DOCK11: variants seen among roughly 807,000 people sequenced by gnomAD.
DOCK11 encodes dedicator of cytokinesis protein 11.
Under a neutral mutation model 169.1 loss-of-function variants are expected in DOCK11, and 70 were observed. The observed-to-expected ratio is 0.41, with a 90% CI of 0.34 to 0.51. The LOEUF (loss-of-function observed/expected upper bound fraction) is 0.51. Ranked by LOEUF, DOCK11 falls within the 20% of genes least tolerant of loss-of-function variation. DOCK11 has a pLI of 0.10. For synonymous variants in DOCK11, 529 were observed against 541.3 expected (o/e 0.98, Z 0.32); for missense variants, 1,166 against 1,538.8 (o/e 0.76, Z 4.05).
At chrX:118,545,244 T>G in intron 4 of DOCK11, 79 bp from the exon 5 acceptor site, 5 of 670,863 alleles carry the variant, frequency 7.5e-6, no homozygotes, top group Non-Finnish European at 1.1e-5. Flanking sequence ...GTTGTTGTCA[T>G]TATTGTTGTG....
At chrX:118,620,679 A>C (rs1320451107) in intron 31 of DOCK11, among the ~76,000 whole-genome samples, 1 of 112,436 alleles carries the variant, frequency 8.9e-6, no homozygotes, top group Non-Finnish European at 1.9e-5. Flanking sequence ...AATATATCCA[A>C]ATAAAAAGAT....
At chrX:118,543,137 G>A in intron 3 of DOCK11, 122 bp downstream of exon 3, 3 of 535,694 alleles carry the variant, frequency 5.6e-6, no homozygotes, top group East Asian at 7.5e-5. Flanking sequence ...ATTTAAAGTA[G>A]TCTTCCTTTA....
chrX:118,569,091 C>CTTTTTTTTTTTTTTTTTTTTTTTTT (rs1186200391), intron 10 of DOCK11, among the ~76,000 whole-genome samples: 2 of 45,007 alleles, frequency 4.4e-5, no homozygotes, highest in Non-Finnish European at 8.2e-5. Flanking sequence ...TCTTTCTTTC[C>CTTTTTTTTTTTTTTTTTTTTTTTTT]TTTTTTTTTT....
At chrX:118,609,577 C>A (rs1056529880) in intron 27 of DOCK11, among the ~76,000 whole-genome samples, 5 of 111,841 alleles carry the variant, frequency 4.5e-5, no homozygotes, top group Non-Finnish European at 3.8e-5. Flanking sequence ...ATGTTCTCAC[C>A]GTCTAATCTG....
chrX:118,525,954 C>T (rs1042991742), intron 1 of DOCK11, among the ~76,000 whole-genome samples: 14 of 112,259 alleles, frequency 1.2e-4, no homozygotes, highest in African/African-American at 4.2e-4. Context: ...TACCACTTCC[C>T]GTATAGGTGG....
At position 118,643,601 on chromosome X, in the gene DOCK11, A is replaced by G; in HGVS notation, c.4398+7A>G. On this transcript the variant is annotated splice_region_variant and intron_variant, in intron 40 of 52. Coordinates refer to ENST00000276202, the MANE Select transcript of DOCK11 (RefSeq NM_144658.4). Reference sequence around the variant, plus strand: ...GAGAGCTTTCATCAGTAAGGTAAGGACAGAAGCTTGGGAGCAGCCGGTGGG... The same window carrying G: ...GAGAGCTTTCATCAGTAAGGTAAGGGCAGAAGCTTGGGAGCAGCCGGTGGG... The G allele has an allele frequency of 1.7e-6, 2 of 1,208,123 alleles. No individual in the cohort carries two copies. The highest frequency in any genetic ancestry group is 1.1e-6 in the Non-Finnish European group (1 of 894,311).
chrX:118,505,934 T>C (rs893836984), intron 1 of DOCK11, among the ~76,000 whole-genome samples: 2 of 112,283 alleles, frequency 1.8e-5, no homozygotes, highest in African/African-American at 6.5e-5. Context: ...AAACAGAGCT[T>C]GGACATGCCT....
At chrX:118,568,496 A>G (rs1231604969) in intron 10 of DOCK11, among the ~76,000 whole-genome samples, 1 of 101,262 alleles carries the variant, frequency 9.9e-6, no homozygotes, top group Admixed American at 1.1e-4. Flanking sequence ...ACCGTTAAAG[A>G]TGGTTACAGT....
chrX:118,541,319 G>A (rs970217104), intron 1 of DOCK11, among the ~76,000 whole-genome samples: 4 of 111,916 alleles, frequency 3.6e-5, no homozygotes, highest in Admixed American at 9.5e-5. Context: ...ACAGCTGTGG[G>A]TGCATGTACA....
intron 1 of DOCK11, among the ~76,000 whole-genome samples, chrX:118,532,127 A>G (rs1354577316): frequency 9.2e-6 from 1 of 108,984 alleles, no homozygotes; most frequent in African/African-American, 3.3e-5. Context: ...AAAAAAAAAA[A>G]GCTGAACACC....
intron 36 of DOCK11, among the ~76,000 whole-genome samples, chrX:118,636,928 T>C (rs1164032641): frequency 8.9e-6 from 1 of 112,249 alleles, no homozygotes; most frequent in Non-Finnish European, 1.9e-5. Context: ...GAAGTTGTCC[T>C]ATATTTCATC....
chrX:118,568,062 A>G lies in DOCK11; in HGVS notation c.952-17A>G, dbSNP rs1464084371. The G allele has an allele frequency of 1.1e-5, 11 of 1,008,385 alleles. No individual in the cohort carries two copies. The highest frequency in any genetic ancestry group is 1.4e-5 in the Non-Finnish European group (10 of 737,574). 83.1% of individuals were successfully genotyped at this position (1,008,385 alleles called of 1,213,427 possible). A position where few individuals can be genotyped will look rare whatever the true frequency, so the allele number is the denominator to read the frequency against. On this transcript the variant is annotated splice_polypyrimidine_tract_variant and intron_variant, in intron 9 of 52. Coordinates refer to ENST00000276202, the MANE Select transcript of DOCK11 (RefSeq NM_144658.4). ...TTGAAGGAAATGAAGTAACATACTTATTTTTTAAAATTTTAGTATGGAAGA... is the reference window on the plus strand; with the variant it reads ...TTGAAGGAAATGAAGTAACATACTTGTTTTTTAAAATTTTAGTATGGAAGA...
intron 14 of DOCK11, among the ~76,000 whole-genome samples, chrX:118,581,720 C>T (rs1448287773): frequency 1.1e-5 from 1 of 94,230 alleles, no homozygotes; most frequent in African/African-American, 4.0e-5. Context: ...AGGAGAATGG[C>T]GTGAACCTGG....
At chrX:118,615,147 C>T (rs1014109515) in intron 29 of DOCK11, among the ~76,000 whole-genome samples, 5 of 112,211 alleles carry the variant, frequency 4.5e-5, no homozygotes, top group Non-Finnish European at 9.4e-5. Context: ...AGAGCACAGC[C>T]TCCTTCTAGC....
chrX:118,674,502 TTC>T lies in DOCK11; in HGVS notation c.5200-1432_5200-1431del, dbSNP rs750696056. Among the ~76,000 whole-genome samples the T allele has an allele frequency of 3.9e-3, 434 of 112,494 alleles. 4 individuals are homozygous for T. Among genetic ancestry groups the T allele is most frequent in the African/African-American group, 0.013 (414 of 31,011 alleles). On this transcript the variant is annotated intron_variant, in intron 46 of 52. Coordinates refer to ENST00000276202, the MANE Select transcript of DOCK11 (RefSeq NM_144658.4). ...AGTTGTAGCATATATCAGAACTTCA[TTC>T]TTTTTTATGGCTGAGTAAGATTCCA...
In DOCK11 at chrX:118,591,436, G is replaced by T. The variant is rs2013988413; in HGVS notation, c.2139+1134G>T. On this transcript the variant is annotated intron_variant, in intron 19 of 52. Transcript: ENST00000276202. ...ACCATGCTTTGTATGAATGATAATT[G>T]GACCAGATGTCCATCACCAAGTTGT... Among the ~76,000 whole-genome samples, 3 of 110,679 alleles carry T rather than the reference G, an allele frequency of 2.7e-5. No individual in the cohort carries two copies. The South Asian group carries it at 1.2e-3, about 43-fold the overall frequency.
chrX:118,676,467 C>A, intron 47 of DOCK11, 124 bp from the exon 48 acceptor site: 1 of 392,720 alleles, frequency 2.5e-6, no homozygotes, highest in South Asian at 9.7e-5. Context: ...AAGCATGGGA[C>A]TTTTAGTAAT....
At chrX:118,610,477 A>G (rs2014655164) in intron 28 of DOCK11, 59 bp downstream of exon 28, 5 of 1,157,891 alleles carry the variant, frequency 4.3e-6, no homozygotes, top group South Asian at 1.9e-5. Flanking sequence ...AGGAAGCCCA[A>G]GAAAAAAATT....
chrX:118,505,593 C>T (rs1487953885), intron 1 of DOCK11, among the ~76,000 whole-genome samples: 1 of 112,452 alleles, frequency 8.9e-6, no homozygotes, highest in African/African-American at 3.2e-5. Context: ...TCTTACCCTT[C>T]CTGGAAGAAC....
Sources: allele counts gnomAD v4.1 joint callset (sites outside exome capture counted in the v4.1 genomes callset), GRCh38; gene constraint gnomAD v4.1.1; transcripts MANE v1.5; gene names NCBI Gene and HGNC (gene_info 2026-07-23, HGNC 2026-07-21).